FAAH2: variants seen among roughly 807,000 people sequenced by gnomAD.
The protein encoded by FAAH2 is fatty acid amide hydrolase 2.
Under a neutral mutation model 36.9 loss-of-function variants are expected in FAAH2, and 60 were observed. That is an observed-to-expected ratio of 1.63 (90% CI 1.32 to 2.02). The LOEUF is 2.02. FAAH2 is among the 30% of genes most tolerant of loss of function. FAAH2 has a pLI of 0.00. For synonymous variants in FAAH2, 214 were observed against 143.8 expected (o/e 1.49, Z -3.49); for missense variants, 689 against 397.5 (o/e 1.73, Z -6.23).
chrX:57,438,184 G>T (rs951422872), intron 8 of FAAH2, among the ~76,000 whole-genome samples: 1 of 103,933 alleles, frequency 9.6e-6, no homozygotes, highest in African/African-American at 3.5e-5. Flanking sequence ...GTAGTTTGTA[G>T]TTTTACTGAT....
chrX:57,423,435 C>T (rs2056084981), intron 7 of FAAH2, among the ~76,000 whole-genome samples: 1 of 110,905 alleles, frequency 9.0e-6, no homozygotes, highest in African/African-American at 3.3e-5. Context: ...TCAGGGAGTT[C>T]GGCAGCCTGG....
chrX:57,199,535 G>T, the FAAH2 span, among the ~76,000 whole-genome samples: 4 of 111,523 alleles, frequency 3.6e-5, no homozygotes, highest in Admixed American at 3.8e-4. Context: ...ACATGCTGAA[G>T]AACAGTATGT....
In FAAH2 at chrX:57,431,763, G is replaced by GT. The variant is rs200270868; in HGVS notation, c.997-148dup. 0.022 allele frequency among the ~76,000 whole-genome samples: 300 copies of GT among 13,676 alleles called. 3 individuals are homozygous for GT. In the Non-Finnish European group the frequency reaches 0.32, roughly 14 times the overall value. 11.9% of individuals were successfully genotyped at this position (13,676 alleles called of 115,157 possible). On this transcript the variant is annotated intron_variant, in intron 7 of 10. Transcript: ENST00000374900. Reference sequence around the variant, plus strand: ...TTTTGGGGTGTTTTGTTTTGTTTTTGTTTTTTTGTTTTTTTGTTTTTTTGT... The same window carrying GT: ...TTTTGGGGTGTTTTGTTTTGTTTTTGTTTTTTTTGTTTTTTTGTTTTTTTGT...
the FAAH2 span, among the ~76,000 whole-genome samples, chrX:57,273,472 C>G: frequency 9.0e-6 from 1 of 111,682 alleles, no homozygotes; most frequent in South Asian, 3.7e-4. Flanking sequence ...CTCTCAGCAC[C>G]ACATAGCACT....
chrX:57,246,280 G>A, the FAAH2 span, among the ~76,000 whole-genome samples: 2 of 111,625 alleles, frequency 1.8e-5, no homozygotes, highest in Admixed American at 9.5e-5. Flanking sequence ...ATTCACAGCC[G>A]AATTCTACCA....
chrX:57,388,254 C>T (rs1009478550), intron 7 of FAAH2, among the ~76,000 whole-genome samples: 30 of 110,970 alleles, frequency 2.7e-4, no homozygotes, highest in Non-Finnish European at 7.6e-5. Flanking sequence ...AAAGAGGGAG[C>T]TTTTTTGATT....
intron 5 of FAAH2, among the ~76,000 whole-genome samples, chrX:57,360,846 G>A (rs1451788769): frequency 2.7e-5 from 3 of 109,952 alleles, no homozygotes; most frequent in Non-Finnish European, 5.7e-5. Flanking sequence ...CCACCGACAG[G>A]CCCCGGTGTG....
At position 57,306,708 on chromosome X, in the gene FAAH2, GT is replaced by G. The variant is rs2052534088; in HGVS notation, c.276-3884del. ...CAACATCTTGTGTGTGTGTGTGTGT[GT>G]GTGTGTGTGTGTGTGTGTGTGTATA... On this transcript the variant is annotated intron_variant, in intron 2 of 10. Coordinates refer to ENST00000374900, the MANE Select transcript of FAAH2 (RefSeq NM_174912.4). Among the ~76,000 whole-genome samples, 4 of 70,381 alleles carry G rather than the reference GT, an allele frequency of 5.7e-5. No individual in the cohort carries two copies. The East Asian group carries it at 1.8e-3, about 31-fold the overall frequency. The allele number at this position is 70,381 out of a possible 115,157, so 61.1% of individuals were successfully genotyped here. A position where few individuals can be genotyped will look rare whatever the true frequency, so the allele number is the denominator to read the frequency against.
the FAAH2 span, among the ~76,000 whole-genome samples, chrX:57,152,750 C>T: frequency 2.7e-5 from 3 of 111,680 alleles, no homozygotes; most frequent in African/African-American, 6.5e-5. Context: ...TGCTTTAGCT[C>T]GTGCCCGGTG....
At chrX:57,468,238 C>A (rs1476539852) in intron 10 of FAAH2, among the ~76,000 whole-genome samples, 1 of 111,936 alleles carries the variant, frequency 8.9e-6, no homozygotes, top group African/African-American at 3.2e-5. Context: ...TGGAACAAAG[C>A]TGGATGGAGA....
At chrX:57,361,467 G>T (rs1049951191) in intron 5 of FAAH2, among the ~76,000 whole-genome samples, 3 of 110,717 alleles carry the variant, frequency 2.7e-5, no homozygotes, top group African/African-American at 9.8e-5. Flanking sequence ...TATCCCATGG[G>T]TTTTGATATT....
chrX:57,284,520 A>G (rs2051783587), upstream of FAAH2, among the ~76,000 whole-genome samples: 1 of 112,488 alleles, frequency 8.9e-6, no homozygotes, highest in African/African-American at 3.2e-5. Flanking sequence ...TAATAAGTCC[A>G]TCATAAAAAG....
the FAAH2 span, among the ~76,000 whole-genome samples, chrX:57,176,928 G>A: frequency 9.0e-6 from 1 of 110,736 alleles, no homozygotes; most frequent in Non-Finnish European, 1.9e-5. Flanking sequence ...ATGTGCTAGA[G>A]GCGTGAGCAA....
intron 10 of FAAH2, among the ~76,000 whole-genome samples, chrX:57,463,639 C>A (rs12013316): frequency 1.3e-4 from 14 of 111,299 alleles, no homozygotes; most frequent in Non-Finnish European, 2.5e-4. Flanking sequence ...ATCTGGCCAA[C>A]AAACATGAAA....
intron 3 of FAAH2, among the ~76,000 whole-genome samples, chrX:57,312,629 G>T (rs918580069): frequency 9.2e-6 from 1 of 109,068 alleles, no homozygotes; most frequent in East Asian, 2.9e-4. Flanking sequence ...GCAGTAATCC[G>T]TGCCATTGCA....
intron 8 of FAAH2, among the ~76,000 whole-genome samples, chrX:57,442,653 T>C (rs2056587140): frequency 8.9e-6 from 1 of 112,113 alleles, no homozygotes; most frequent in South Asian, 3.7e-4. Flanking sequence ...TCTGTCATTA[T>C]GATGTTAACT....
intron 5 of FAAH2, among the ~76,000 whole-genome samples, chrX:57,351,192 T>A (rs772192080): frequency 9.0e-6 from 1 of 111,456 alleles, no homozygotes; most frequent in African/African-American, 3.2e-5. Flanking sequence ...ACAGGAACTT[T>A]AGAAAGTATA....
chrX:57,206,451 T>C, the FAAH2 span, among the ~76,000 whole-genome samples: 1 of 111,866 alleles, frequency 8.9e-6, no homozygotes, highest in Non-Finnish European at 1.9e-5. Context: ...ATCATAACAT[T>C]GGAGTAATAT....
the FAAH2 span, among the ~76,000 whole-genome samples, chrX:57,176,616 G>A: frequency 3.6e-5 from 4 of 111,626 alleles, no homozygotes; most frequent in South Asian, 1.5e-3. Context: ...TGGAGAGATA[G>A]TATGATCTTT....
Sources: allele counts gnomAD v4.1 joint callset (sites outside exome capture counted in the v4.1 genomes callset), GRCh38; gene constraint gnomAD v4.1.1; transcripts MANE v1.5; gene names NCBI Gene and HGNC (gene_info 2026-07-23, HGNC 2026-07-21).